The following CLSTN1 variants were observed in gnomAD, a reference collection of about 807,000 sequenced individuals.
CLSTN1 encodes the protein calsyntenin 1.
Under a neutral mutation model 108.3 loss-of-function variants are expected in CLSTN1, and 28 were observed. The ratio of observed to expected loss-of-function variants is 0.26; its 90% CI spans 0.19 to 0.35. The LOEUF is 0.35. Among genes scored for constraint, CLSTN1 ranks in the 10% least tolerant of loss-of-function variants. The pLI is 1.00. For synonymous variants in CLSTN1, 524 were observed against 534.9 expected (o/e 0.98, Z 0.28); for missense variants, 1,157 against 1,302.6 (o/e 0.89, Z 1.72).
intron 1 of CLSTN1, among the ~76,000 whole-genome samples, chr1:9,808,614 G>A (rs933839109): frequency 7.2e-5 from 11 of 152,100 alleles, no homozygotes; most frequent in Admixed American, 3.3e-4. Flanking sequence ...TCCCATGAGC[G>A]GAGGTAGTCA....
At position 9,734,710 on chromosome 1, in the gene CLSTN1, C is replaced by T. The variant is rs1650590753; in HGVS notation, c.2110+238G>A. Reference sequence around the variant, plus strand: ...GTGCCCTCAACCCCTCAACCTCAAGCCACATCTCAAAGCCTGGCAGCAACC... The same window carrying T: ...GTGCCCTCAACCCCTCAACCTCAAGTCACATCTCAAAGCCTGGCAGCAACC... On this transcript the variant is annotated intron_variant, in intron 14 of 18. Transcript: ENST00000377298. The surrounding 1 kb of genome is among the most constrained non-coding windows in gnomAD (Gnocchi z 4.8). Among the ~76,000 whole-genome samples, 1 of 152,132 alleles carries T rather than the reference C, an allele frequency of 6.6e-6. No individual in the cohort carries two copies. The highest frequency in any genetic ancestry group is 2.4e-5 in the African/African-American group (1 of 41,424).
rs1397499852 is a variant in CLSTN1 at position 9,814,249 on chromosome 1, A to AG, written c.91+9393_91+9394insC. ...ATATGGTAAAACCCCATCTCTACCA[A>AG]AAAAAAAAAAAAAAAAGCCAGGCAT... On this transcript the variant is annotated intron_variant, in intron 1 of 18. Coordinates refer to ENST00000377298, the MANE Select transcript of CLSTN1 (RefSeq NM_001009566.3). Among the ~76,000 whole-genome samples, 829 of 146,500 alleles carry AG rather than the reference A, an allele frequency of 5.7e-3. 9 individuals carry two copies. Among genetic ancestry groups the AG allele is most frequent in the Middle Eastern group, 0.021 (6 of 284 alleles).
chr1:9,766,551 T>C (rs1197213046), intron 2 of CLSTN1, among the ~76,000 whole-genome samples: 2 of 151,964 alleles, frequency 1.3e-5, no homozygotes, highest in African/African-American at 4.8e-5. Flanking sequence ...TCCCAGCTAC[T>C]CGAGAGGCTG....
At chr1:9,796,594 G>A (rs1654015994) in intron 1 of CLSTN1, among the ~76,000 whole-genome samples, 1 of 151,140 alleles carries the variant, frequency 6.6e-6, no homozygotes, top group Admixed American at 6.7e-5. Flanking sequence ...TGAGGCAGGA[G>A]AATGGCGTGA....
At chr1:9,735,355 G>A in intron 13 of CLSTN1, 112 bp downstream of exon 13, 2 of 1,484,652 alleles carry the variant, frequency 1.3e-6, no homozygotes, top group Non-Finnish European at 9.3e-7. Flanking sequence ...ACACTTTCTG[G>A]TTACACACGA....
At chr1:9,785,253 C>G (rs1653431711) in intron 1 of CLSTN1, among the ~76,000 whole-genome samples, 1 of 152,116 alleles carries the variant, frequency 6.6e-6, no homozygotes, top group Non-Finnish European at 1.5e-5. Flanking sequence ...AGTGATCCGC[C>G]TGCCTCAGTC....
Position 9,728,926 on chromosome 1 carries a change from GC to G in CLSTN1, c.*1581del. 1 of 152,336 alleles carries G rather than the reference GC, an allele frequency of 6.6e-6. No individual in the cohort carries two copies. Among genetic ancestry groups the G allele is most frequent in the African/African-American group, 2.4e-5 (1 of 41,576 alleles). 9.4% of individuals were successfully genotyped at this position (152,336 alleles called of 1,614,324 possible). ...AAAGGCAGATGAAAAGAAAGAAAAAGCCTTTTTATGTTCTTTTATGTTCTCG... is the reference window on the plus strand; with the variant it reads ...AAAGGCAGATGAAAAGAAAGAAAAAGCTTTTTATGTTCTTTTATGTTCTCG... On this transcript the variant is annotated 3_prime_UTR_variant, in exon 19 of 19. Transcript: ENST00000377298.
chr1:9,764,391 C>T (rs2101135286), intron 2 of CLSTN1, among the ~76,000 whole-genome samples: 1 of 152,294 alleles, frequency 6.6e-6, no homozygotes, highest in African/African-American at 2.4e-5. Flanking sequence ...AATCCCAACA[C>T]TTTGGGAGGC....
chr1:9,804,227 G>A (rs1654408115), intron 1 of CLSTN1, among the ~76,000 whole-genome samples: 1 of 152,030 alleles, frequency 6.6e-6, no homozygotes, highest in Non-Finnish European at 1.5e-5. Flanking sequence ...GCCGGGCGTG[G>A]TGGCGGGCGC....
At chr1:9,732,261 T>C (rs1650443237) in intron 16 of CLSTN1, among the ~76,000 whole-genome samples, 1 of 152,174 alleles carries the variant, frequency 6.6e-6, no homozygotes, top group South Asian at 2.1e-4. Flanking sequence ...TTCACAAGCA[T>C]GATCACGGCT....
rs761681424 is a variant in CLSTN1, at chr1:9,735,878, G to A, written c.1734+7C>T. 1.9e-6 allele frequency: 3 copies of A among 1,614,036 alleles called. No individual in the cohort carries two copies. The South Asian group carries it at 3.3e-5, about 18-fold the overall frequency. Reference sequence around the variant, plus strand: ...TGAGTGGTGTGCAGTCGAGCGCTCGGTGTTACCTGCACGCCTCTGCCACTG... The same window carrying A: ...TGAGTGGTGTGCAGTCGAGCGCTCGATGTTACCTGCACGCCTCTGCCACTG... On this transcript the variant is annotated splice_region_variant and intron_variant, in intron 12 of 18. Transcript: ENST00000377298.
chr1:9,754,745 T>C (rs1651728526), intron 4 of CLSTN1, among the ~76,000 whole-genome samples: 2 of 152,040 alleles, frequency 1.3e-5, no homozygotes, highest in African/African-American at 4.8e-5. Context: ...ATCCCAGCTA[T>C]GTGGGAGGTT....
intron 1 of CLSTN1, among the ~76,000 whole-genome samples, chr1:9,807,790 C>G (rs1260838130): frequency 2.0e-5 from 3 of 152,244 alleles, no homozygotes; most frequent in South Asian, 4.1e-4. Context: ...GGGGCCCCTC[C>G]TCCCTGGGCT....
At chr1:9,791,886 T>G (rs1230883548) in intron 1 of CLSTN1, among the ~76,000 whole-genome samples, 1 of 151,080 alleles carries the variant, frequency 6.6e-6, no homozygotes, top group Non-Finnish European at 1.5e-5. Context: ...CAGTGGCTCA[T>G]GCTTGTAATC....
chr1:9,780,931 C>A, intron 1 of CLSTN1: 1 of 408,254 alleles, frequency 2.4e-6, no homozygotes, highest in South Asian at 3.9e-5. Flanking sequence ...TGTTGTGCAC[C>A]TGCATCTTGA....
Position 9,749,908 on chromosome 1 carries a change from T to G in CLSTN1, c.655A>C (p.Ile219Leu). The G allele has an allele frequency of 6.2e-7, 1 of 1,613,818 alleles. No individual in the cohort carries two copies. The highest frequency in any genetic ancestry group is 1.3e-5 in the African/African-American group (1 of 75,056). ...VPFTVDKDGY[I>L]KNTEKLNYGK... Reference sequence around the variant, plus strand: ...TAGTTTAATTTCTCTGTGTTTTTTATATAACCTTACAGAGGGCAAAAACAA... The same window carrying G: ...TAGTTTAATTTCTCTGTGTTTTTTAGATAACCTTACAGAGGGCAAAAACAA... The change falls in exon 6 of 19, where the codon ATA (isoleucine) becomes CTA (leucine). Residue 219 changes from isoleucine (I) to leucine (L), a missense_variant. Coordinates refer to ENST00000377298, the MANE Select transcript of CLSTN1 (RefSeq NM_001009566.3).
chr1:9,784,138 C>CTCCA (rs1214239359), intron 1 of CLSTN1, among the ~76,000 whole-genome samples: 2 of 145,330 alleles, frequency 1.4e-5, no homozygotes, highest in African/African-American at 5.1e-5. Context: ...CGCCACTGCA[C>CTCCA]TCCAGCCTGG....
At chr1:9,780,858 AGCCG>A in intron 1 of CLSTN1, 1 of 261,804 alleles carries the variant, frequency 3.8e-6, no homozygotes, top group East Asian at 9.1e-5. Context: ...CATGGCGAGT[AGCCG>A]TGGCAGCGAA....
At chr1:9,754,101 CT>C (rs1464341129) in intron 4 of CLSTN1, among the ~76,000 whole-genome samples, 1 of 152,182 alleles carries the variant, frequency 6.6e-6, no homozygotes, top group Non-Finnish European at 1.5e-5. Flanking sequence ...GCCACTGCAC[CT>C]GGCCAACAAT....
Sources: gnomAD v4.1 joint callset for allele counts (sites outside exome capture counted in the v4.1 genomes callset) on GRCh38, gnomAD v4.1.1 for gene constraint, Gnocchi (gnomAD v3.1) non-coding constraint, MANE v1.5 for transcripts, NCBI Gene and HGNC (gene_info 2026-07-23, HGNC 2026-07-21) for gene names.